The following TRIM8 variants were observed in gnomAD, a reference collection of about 807,000 sequenced individuals.
TRIM8 encodes the protein E3 ubiquitin-protein ligase TRIM8.
A neutral mutation model predicts 55.7 loss-of-function variants in TRIM8; 9 were observed. The observed-to-expected ratio is 0.16, with a 90% CI of 0.10 to 0.28. TRIM8 has a LOEUF of 0.28. Among genes scored for constraint, TRIM8 ranks in the 10% least tolerant of loss-of-function variants. The pLI is 1.00. For missense variants in TRIM8, 556 were observed against 736.4 expected (o/e 0.76, Z 2.83); for synonymous variants, 335 against 333.3 (o/e 1.01, Z -0.06).
chr10:102,657,240 G>T lies in TRIM8; in HGVS notation c.1542G>T (p.Gln514His). Reference sequence around the variant, plus strand: ...TCCCGCCCACACCCTCCGTCCCCCAGTCCCTTCCCAGCCTGGCGGTCAGAG... The same window carrying T: ...TCCCGCCCACACCCTCCGTCCCCCATTCCCTTCCCAGCCTGGCGGTCAGAG... ...HPLPPTPSVPQSLPSLAVRDW... is the reference protein window; with the variant it reads ...HPLPPTPSVPHSLPSLAVRDW... The change falls in exon 6 of 6, where the codon CAG becomes CAT. Residue 514 changes from glutamine (Q) to histidine (H), a missense_variant. Around this residue, in one of 2 missense-constraint regions of TRIM8, gnomAD observed 391 missense variants for 441.0 expected, o/e 0.89. Transcript: ENST00000643721. 6.2e-7 allele frequency: 1 copy of T among 1,613,850 alleles called. No homozygotes were observed. Among genetic ancestry groups the T allele is most frequent in the Non-Finnish European group, 8.5e-7 (1 of 1,179,846 alleles).
At position 102,656,017 on chromosome 10, in the gene TRIM8, T is replaced by C. The variant is rs1308630597; in HGVS notation, c.901-89T>C. 1.9e-6 allele frequency: 3 copies of C among 1,598,408 alleles called. No homozygotes were observed. The highest frequency in any genetic ancestry group is 2.7e-5 in the African/African-American group (2 of 74,604). ...AGGATCCACCCAGCCTGGGGGAGGC[T>C]CAGGGGGGGCAGCTTTTGTCTTCCC... On this transcript the variant is annotated intron_variant, in intron 3 of 5. Coordinates refer to ENST00000643721, the MANE Select transcript of TRIM8 (RefSeq NM_030912.3). The surrounding 1 kb of genome is among the most constrained non-coding windows in gnomAD (Gnocchi z 4.6).
At chr10:102,647,366 G>A (rs1408265175) in intron 1 of TRIM8, among the ~76,000 whole-genome samples, 1 of 152,206 alleles carries the variant, frequency 6.6e-6, no homozygotes, top group Non-Finnish European at 1.5e-5. Flanking sequence ...CCCTGCAGTG[G>A]CAGCCTGAGC....
In TRIM8 at chr10:102,657,015, C is replaced by T. The variant is rs1245095580; in HGVS notation, c.1317C>T (p.Pro439=). 4 of 1,612,638 alleles carry T rather than the reference C, an allele frequency of 2.5e-6. No homozygotes were observed. Among genetic ancestry groups the T allele is most frequent in the African/African-American group, 2.7e-5 (2 of 74,924 alleles). Residue 439 remains proline, a synonymous_variant, in exon 6 of 6, where the codon CCC becomes CCT. Transcript: ENST00000643721. ...GCGCCCAACCAGTGCACTCAAGCCC[C>T]GTGTTCCCCCCATCGCAGTATCCCA... ...PGGAQPVHSS[P]VFPPSQYPNG... is the part of the protein sequence containing the mutation.
At chr10:102,654,086 A>C (rs1013847662) in intron 1 of TRIM8, 8 of 153,404 alleles carry the variant, frequency 5.2e-5, no homozygotes, top group African/African-American at 1.9e-4. Context: ...CTGTACAGGA[A>C]AAGTGTTTAG....
At chr10:102,652,801 T>G (rs1189570901) in intron 1 of TRIM8, among the ~76,000 whole-genome samples, 23 of 140,056 alleles carry the variant, frequency 1.6e-4, no homozygotes. Context: ...AACCGATACT[T>G]AACTTTTTTT....
Position 102,656,552 on chromosome 10 carries a change from C to A in TRIM8, c.1048+167C>A. 1 of 1,311,778 alleles carries A rather than the reference C, an allele frequency of 7.6e-7. No individual in the cohort carries two copies. Among genetic ancestry groups the A allele is most frequent in the East Asian group, 2.5e-5 (1 of 39,632 alleles). The allele number at this position is 1,311,778 out of a possible 1,614,324, so 81.3% of individuals were successfully genotyped here. ...ACAGTGGGTAAGCAACATGACCTCCCCAGCCTCCATTTCTTCAGCTTAAAG... is the reference window on the plus strand; with the variant it reads ...ACAGTGGGTAAGCAACATGACCTCCACAGCCTCCATTTCTTCAGCTTAAAG... On this transcript the variant is annotated intron_variant, in intron 5 of 5. Transcript: ENST00000643721. The surrounding 1 kb of genome is among the most constrained non-coding windows in gnomAD (Gnocchi z 4.6).
chr10:102,657,219 G>A lies in TRIM8; in HGVS notation c.1521G>A (p.Pro507=), dbSNP rs375374710. The A allele has an allele frequency of 6.8e-6, 11 of 1,613,674 alleles. No homozygotes were observed. The highest frequency in any genetic ancestry group is 4.0e-5 in the African/African-American group (3 of 74,860). ...VPSQEYSHPL[P]PTPSVPQSLP... is the part of the protein sequence containing the mutation. ...CGCAGGAGTACTCACACCCGCTCCC[G>A]CCCACACCCTCCGTCCCCCAGTCCC... The change falls in exon 6 of 6, where the codon CCG becomes CCA. Residue 507 remains proline, a synonymous_variant. Transcript: ENST00000643721.
intron 1 of TRIM8, chr10:102,645,814 C>G (rs563087024): frequency 6.6e-6 from 1 of 152,604 alleles, no homozygotes; most frequent in African/African-American, 2.4e-5. Context: ...AGAGCCGGCT[C>G]TCCCTGTGTG....
At position 102,656,337 on chromosome 10, in the gene TRIM8, C is replaced by G; in HGVS notation, c.1000C>G (p.Leu334Val). 6.2e-7 allele frequency: 1 copy of G among 1,614,126 alleles called. No homozygotes were observed. The highest frequency in any genetic ancestry group is 2.2e-5 in the East Asian group (1 of 44,880). The change falls in exon 5 of 6, where the codon CTG (leucine) becomes GTG (valine). Residue 334 changes from leucine (L) to valine (V), a missense_variant. Leu to Val is a conservative substitution (Grantham distance 32). This residue lies in a region of TRIM8 where 391 missense variants were observed against 441.0 expected (regional missense o/e 0.89). Coordinates refer to ENST00000643721, the MANE Select transcript of TRIM8 (RefSeq NM_030912.3). This position sits in a 1 kb window ranked among gnomAD's most constrained non-coding sequence, Gnocchi z 4.6. The part of the protein sequence containing the change: ...KIGHLNSKLF[L>V]NEVAKKEKQL... The stretch of plus-strand genomic sequence containing the variant: ...CGGCCACCTGAACTCCAAGCTCTTC[C>G]TGAACGAAGTGGCCAAGAAGGAGAA...
chr10:102,657,317 A>G lies in TRIM8; in HGVS notation c.1619A>G (p.Tyr540Cys), dbSNP rs1194728840. Residue 540 changes from tyrosine to cysteine, a missense_variant, in exon 6 of 6, where the codon TAT becomes TGT. Transcript: ENST00000643721. ...QPGHQDFYRV[Y>C]GQPSTKHYVT... Reference sequence around the variant, plus strand: ...GGCCACCAGGATTTCTACAGGGTGTATGGGCAGCCGTCCACCAAACACTAC... The same window carrying G: ...GGCCACCAGGATTTCTACAGGGTGTGTGGGCAGCCGTCCACCAAACACTAC... The G allele has an allele frequency of 2.5e-6, 4 of 1,606,328 alleles. No individual in the cohort carries two copies. Among genetic ancestry groups the G allele is most frequent in the Non-Finnish European group, 3.4e-6 (4 of 1,175,478 alleles).
chr10:102,654,984 A>T, intron 2 of TRIM8, 96 bp from the exon 3 acceptor site: 2 of 1,408,832 alleles, frequency 1.4e-6, no homozygotes, highest in Non-Finnish European at 2.0e-6. Context: ...CAGCCTGGTG[A>T]CTTAGGGTTC....
In TRIM8 at chr10:102,655,094, A is replaced by T; in HGVS notation, c.681A>T (p.Gln227His). 1 of 1,612,682 alleles carries T rather than the reference A, an allele frequency of 6.2e-7. No homozygotes were observed. The highest frequency in any genetic ancestry group is 1.7e-5 in the Admixed American group (1 of 59,378). Residue 227 changes from glutamine (Q) to histidine (H), a missense_variant, in exon 3 of 6, where the codon CAA (glutamine) becomes CAT (histidine). Around this residue, in one of 2 missense-constraint regions of TRIM8, gnomAD observed 391 missense variants for 441.0 expected, o/e 0.89. Coordinates refer to ENST00000643721, the MANE Select transcript of TRIM8 (RefSeq NM_030912.3). ...DKRLVEEKVN[Q>H]LKEEVRLQYE... ...TGTACTCGCAGGAGAAAGTGAACCA[A>T]CTGAAGGAGGAAGTTCGGCTGCAGT...
Position 102,657,404 on chromosome 10 carries a change from G to C in TRIM8, c.*50G>C. On this transcript the variant is annotated 3_prime_UTR_variant, in exon 6 of 6. Transcript: ENST00000643721. ...GGGAATCTTCCTCCCCAGCCCCCGG[G>C]CTCGGGAGTTATGCATCCAGAGACC... 1 of 1,516,598 alleles carries C rather than the reference G, an allele frequency of 6.6e-7. No individual in the cohort carries two copies. The highest frequency in any genetic ancestry group is 1.3e-5 in the South Asian group (1 of 75,864). The allele number at this position is 1,516,598 out of a possible 1,614,324, so 93.9% of individuals were successfully genotyped here. A position where few individuals can be genotyped will look rare whatever the true frequency, so the allele number is the denominator to read the frequency against.
chr10:102,655,229 C>T lies in TRIM8; in HGVS notation c.816C>T (p.Leu272=), dbSNP rs1001232015. ...AGAACGCAGCGCAGGCGCTGCACCT[C>T]GGGGAGCGCATGCAGGAGGCCAAGA... ...CSENAAQALH[L]GERMQEAKKL... Residue 272 remains leucine, a synonymous_variant, in exon 3 of 6, where the codon CTC becomes CTT. Transcript: ENST00000643721. 1.1e-5 allele frequency: 18 copies of T among 1,604,816 alleles called. No individual in the cohort carries two copies. Among genetic ancestry groups the T allele is most frequent in the Admixed American group, 5.4e-5 (3 of 55,992 alleles).
chr10:102,644,863 C>A lies in TRIM8; in HGVS notation c.246C>A (p.His82Gln). Residue 82 changes from histidine to glutamine, a missense_variant, in exon 1 of 6, where the codon CAC (histidine) becomes CAA (glutamine). This residue lies in a region of TRIM8 where 165 missense variants were observed against 295.3 expected (regional missense o/e 0.56). Transcript: ENST00000643721. ...TCGTGGAGAAGTTCAATGCCCTGCACGTGGAGAAGCCGCCGGCGGCGCTGC... is the reference window on the plus strand; with the variant it reads ...TCGTGGAGAAGTTCAATGCCCTGCAAGTGGAGAAGCCGCCGGCGGCGCTGC... ...TNIVEKFNALHVEKPPAALHC... is the reference protein window; with the variant it reads ...TNIVEKFNALQVEKPPAALHC... The A allele has an allele frequency of 6.2e-7, 1 of 1,612,134 alleles. No homozygotes were observed. The highest frequency in any genetic ancestry group is 1.1e-5 in the South Asian group (1 of 91,026).
chr10:102,655,064 C>T lies in TRIM8; in HGVS notation c.667-16C>T. The T allele has an allele frequency of 6.2e-7, 1 of 1,613,050 alleles. No individual in the cohort carries two copies. Among genetic ancestry groups the T allele is most frequent in the Non-Finnish European group, 8.5e-7 (1 of 1,179,444 alleles). On this transcript the variant is annotated splice_polypyrimidine_tract_variant and intron_variant, in intron 2 of 5. Transcript: ENST00000643721. The stretch of plus-strand genomic sequence containing the variant: ...GTGCTTACCTGCCTGCCCACTCCTG[C>T]CCTCTGTACTCGCAGGAGAAAGTGA...
chr10:102,656,228 G>T lies in TRIM8; in HGVS notation c.933-42G>T. ...GCGGGGAGGTAGGGCGGGCTCACCG[G>T]TGATGCCTCCTCACAGCAGATGCCC... On this transcript the variant is annotated intron_variant, in intron 4 of 5. Transcript: ENST00000643721. This position sits in a 1 kb window ranked among gnomAD's most constrained non-coding sequence, Gnocchi z 4.6. The T allele has an allele frequency of 6.2e-7, 1 of 1,614,112 alleles. No homozygotes were observed. The highest frequency in any genetic ancestry group is 8.5e-7 in the Non-Finnish European group (1 of 1,179,996).
chr10:102,646,727 C>CTAT (rs552623053), intron 1 of TRIM8, among the ~76,000 whole-genome samples: 44 of 152,224 alleles, frequency 2.9e-4, no homozygotes, highest in African/African-American at 1.1e-3. Context: ...GAAGCTGCTG[C>CTAT]TATTAATAAA....
Position 102,656,368 on chromosome 10 carries a change from TGC to T in TRIM8, c.1033_1034del (p.Arg345GlufsTer64). The T allele has an allele frequency of 6.2e-7, 1 of 1,613,324 alleles. No homozygotes were observed. Among genetic ancestry groups the T allele is most frequent in the Non-Finnish European group, 8.5e-7 (1 of 1,179,660 alleles). On this transcript the variant is annotated frameshift_variant, in exon 5 of 6. Coordinates refer to ENST00000643721, the MANE Select transcript of TRIM8 (RefSeq NM_030912.3). LOFTEE classifies it high-confidence loss of function. The surrounding 1 kb of genome is among the most constrained non-coding windows in gnomAD (Gnocchi z 4.6). The stretch of plus-strand genomic sequence containing the variant: ...GAAGTGGCCAAGAAGGAGAAGCAGC[TGC>T]GGAAAATGCTAGAAGGTGAGGGTGG...
Sources: allele counts gnomAD v4.1 joint callset (sites outside exome capture counted in the v4.1 genomes callset), GRCh38; gene constraint gnomAD v4.1.1; regional missense constraint gnomAD v4.1.1; non-coding constraint Gnocchi (gnomAD v3.1); transcripts MANE v1.5; gene names NCBI Gene and HGNC (gene_info 2026-07-23, HGNC 2026-07-21).